PIK3R3: variants seen among roughly 807,000 people sequenced by gnomAD.
The protein encoded by PIK3R3 is phosphatidylinositol 3-kinase regulatory subunit gamma.
Under a neutral mutation model 62.9 loss-of-function variants are expected in PIK3R3, and 64 were observed. The observed-to-expected ratio is 1.02, with a 90% CI of 0.83 to 1.25. PIK3R3 has a LOEUF of 1.25. Ranked by LOEUF, PIK3R3 falls within the 50% of genes most tolerant of loss-of-function variation. PIK3R3 has a pLI of 0.00. For synonymous variants in PIK3R3, 165 were observed against 189.0 expected, an observed-to-expected ratio of 0.87 and a Z score of 1.04; for missense variants, 614 against 561.6, an observed-to-expected ratio of 1.09 and a Z score of -0.94.
rs562608868 is a variant in PIK3R3 at position 46,079,629 on chromosome 1, T to C, written c.215+1013A>G. On this transcript the variant is annotated intron_variant, in intron 2 of 9. Coordinates refer to ENST00000262741, the MANE Select transcript of PIK3R3 (RefSeq NM_003629.4). ...CTTATTTAGAAATCCATCCTCAATA[T>C]AGTATTAGAAGTAATAATCACACCC... Among the ~76,000 whole-genome samples, 6 of 152,284 alleles carry C rather than the reference T, an allele frequency of 3.9e-5. No individual in the cohort carries two copies. The South Asian group carries it at 1.0e-3, about 26-fold the overall frequency.
chr1:46,081,341 CAG>C (rs1327261706), intron 1 of PIK3R3, among the ~76,000 whole-genome samples: 6 of 152,134 alleles, frequency 3.9e-5, no homozygotes, highest in Non-Finnish European at 8.8e-5. Context: ...TGTCCCGAGA[CAG>C]AGATTCCCTA....
chr1:46,043,988 G>T, intron 9 of PIK3R3, 117 bp from the exon 10 acceptor site: 1 of 898,576 alleles, frequency 1.1e-6, no homozygotes, highest in Non-Finnish European at 1.7e-6. Flanking sequence ...TGTTAACCAG[G>T]CAAAGCTTGT....
chr1:46,110,236 C>T (rs561069347), intron 1 of PIK3R3, among the ~76,000 whole-genome samples: 49 of 151,458 alleles, frequency 3.2e-4, no homozygotes, highest in African/African-American at 1.1e-3. Flanking sequence ...CTCAGCCTCC[C>T]GAGTAGCTGA....
chr1:46,138,052 G>C, the PIK3R3 span, among the ~76,000 whole-genome samples: 2 of 152,284 alleles, frequency 1.3e-5, no homozygotes, highest in African/African-American at 4.8e-5. Flanking sequence ...TATTTTATCA[G>C]CTGTGAATTG....
At chr1:46,141,458 A>G in the PIK3R3 span, among the ~76,000 whole-genome samples, 4 of 151,054 alleles carry the variant, frequency 2.6e-5, no homozygotes, top group Non-Finnish European at 4.4e-5. Flanking sequence ...TTTAGTAGAG[A>G]TGGGGTTTCA....
chr1:46,058,747 T>G (rs1036514590), intron 6 of PIK3R3, among the ~76,000 whole-genome samples: 1 of 152,230 alleles, frequency 6.6e-6, no homozygotes, highest in Non-Finnish European at 1.5e-5. Flanking sequence ...AGGAAATAAC[T>G]AGCTTGCTTT....
intron 2 of PIK3R3, among the ~76,000 whole-genome samples, chr1:46,079,382 T>C (rs1650368823): frequency 6.6e-6 from 1 of 152,228 alleles, no homozygotes; most frequent in Admixed American, 6.5e-5. Flanking sequence ...AAATCTGTCC[T>C]AGAGTCCTGT....
chr1:46,122,372 T>C (rs1379145818), intron 1 of PIK3R3, among the ~76,000 whole-genome samples: 1 of 152,128 alleles, frequency 6.6e-6, no homozygotes, highest in Non-Finnish European at 1.5e-5. Flanking sequence ...AAAAACTTAC[T>C]ACTCATTTCT....
the PIK3R3 span, among the ~76,000 whole-genome samples, chr1:46,151,918 T>C: frequency 1.1e-4 from 17 of 152,188 alleles, no homozygotes; most frequent in Admixed American, 1.1e-3. Context: ...CCTCCATTTT[T>C]CATGTTAGTT....
the PIK3R3 span, among the ~76,000 whole-genome samples, chr1:46,147,211 C>T: frequency 5.3e-5 from 8 of 152,264 alleles, no homozygotes; most frequent in South Asian, 8.3e-4. Context: ...AAGGTTCAAG[C>T]GATTCTCCTG....
At chr1:46,159,996 T>C in the PIK3R3 span, among the ~76,000 whole-genome samples, 37 of 152,200 alleles carry the variant, frequency 2.4e-4, no homozygotes, top group Non-Finnish European at 4.1e-4. Flanking sequence ...AAACCTCATT[T>C]TTTTATTCAA....
At chr1:46,094,415 T>TA (rs1651924225) in intron 1 of PIK3R3, among the ~76,000 whole-genome samples, 1 of 152,216 alleles carries the variant, frequency 6.6e-6, no homozygotes, top group Admixed American at 6.5e-5. Flanking sequence ...GGGGAAAACA[T>TA]TTATTTTAAT....
chr1:46,088,819 C>T (rs1415887743), intron 1 of PIK3R3, among the ~76,000 whole-genome samples: 2 of 151,674 alleles, frequency 1.3e-5, no homozygotes, highest in East Asian at 1.9e-4. Flanking sequence ...TCAAGCTACA[C>T]CCCTGTGGAA....
Position 46,042,556 on chromosome 1 carries a change from C to T in PIK3R3, c.*1117G>A, listed in dbSNP as rs1647015594. On this transcript the variant is annotated 3_prime_UTR_variant, in exon 10 of 10. Transcript: ENST00000262741. The surrounding 1 kb of genome is among the most constrained non-coding windows in gnomAD (Gnocchi z 4.3). ...TAGCAACCTATAGCTCCCAAAACCC[C>T]ATCCAGCAAAGGAGGGGGAAATGAA... 4.6e-6 allele frequency: 1 copy of T among 217,750 alleles called. No individual in the cohort carries two copies. Among genetic ancestry groups the T allele is most frequent in the Admixed American group, 5.8e-5 (1 of 17,238 alleles). 13.5% of individuals were successfully genotyped at this position (217,750 alleles called of 1,614,324 possible).
chr1:46,156,346 G>A, the PIK3R3 span, among the ~76,000 whole-genome samples: 7 of 151,332 alleles, frequency 4.6e-5, no homozygotes, highest in African/African-American at 1.7e-4. Flanking sequence ...TGTAATCCCA[G>A]CTACTCCCAG....
At chr1:46,081,078 G>C (rs1259881421) in intron 1 of PIK3R3, among the ~76,000 whole-genome samples, 1 of 151,962 alleles carries the variant, frequency 6.6e-6, no homozygotes, top group African/African-American at 2.4e-5. Flanking sequence ...TACAACATGA[G>C]GATTATAGTT....
At chr1:46,045,640 T>A (rs1350915937) in intron 9 of PIK3R3, among the ~76,000 whole-genome samples, 1 of 138,578 alleles carries the variant, frequency 7.2e-6, no homozygotes, top group African/African-American at 2.7e-5. Flanking sequence ...TTTTTTTTTT[T>A]TTTTCAATTT....
At chr1:46,123,553 A>G (rs1005964608) in intron 1 of PIK3R3, among the ~76,000 whole-genome samples, 1 of 152,248 alleles carries the variant, frequency 6.6e-6, no homozygotes, top group Non-Finnish European at 1.5e-5. Context: ...AACAATGAAA[A>G]TAACATTTCA....
the PIK3R3 span, among the ~76,000 whole-genome samples, chr1:46,144,737 C>T: frequency 6.8e-6 from 1 of 147,980 alleles, no homozygotes; most frequent in East Asian, 2.0e-4. Context: ...CACTGCACTC[C>T]AGCCTGATGA....
Sources: allele counts gnomAD v4.1 joint callset (sites outside exome capture counted in the v4.1 genomes callset), GRCh38; gene constraint gnomAD v4.1.1; non-coding constraint Gnocchi (gnomAD v3.1); transcripts MANE v1.5; gene names NCBI Gene and HGNC (gene_info 2026-07-23, HGNC 2026-07-21).